Variants in DNER observed in about 807,000 individuals in gnomAD.
DNER encodes delta/notch like EGF repeat containing, also known as delta and Notch-like epidermal growth factor-related receptor.
In DNER, 33 loss-of-function variants were observed where a neutral mutation model predicts 78.2. The ratio of observed to expected loss-of-function variants is 0.42; its 90% CI spans 0.32 to 0.56. The LOEUF (loss-of-function observed/expected upper bound fraction) is 0.56. DNER is among the 20% of genes least tolerant of loss of function. The pLI is 0.11. For synonymous variants in DNER, 417 were observed against 384.8 expected (o/e 1.08, Z -0.98); for missense variants, 918 against 975.3 (o/e 0.94, Z 0.78).
At chr2:229,378,722 A>T (rs1392246187) in intron 11 of DNER, among the ~76,000 whole-genome samples, 1 of 152,184 alleles carries the variant, frequency 6.6e-6, no homozygotes, top group Non-Finnish European at 1.5e-5. Context: ...AGGATCACAG[A>T]TGCTCAGAGT....
At chr2:229,445,710 A>G (rs1462715695) in intron 8 of DNER, among the ~76,000 whole-genome samples, 4 of 152,156 alleles carry the variant, frequency 2.6e-5, no homozygotes, top group African/African-American at 7.2e-5. Flanking sequence ...CAGCTTCCCT[A>G]CGGATTTTGG....
intron 1 of DNER, among the ~76,000 whole-genome samples, chr2:229,600,796 C>T (rs115406452): frequency 0.031 from 4,656 of 152,202 alleles, 214 homozygotes; most frequent in African/African-American, 0.097. Flanking sequence ...GCAACCCATG[C>T]CAAGGCTAAA....
At chr2:229,460,591 C>T (rs1209212812) in intron 7 of DNER, among the ~76,000 whole-genome samples, 2 of 151,916 alleles carry the variant, frequency 1.3e-5, no homozygotes, top group Non-Finnish European at 1.5e-5. Flanking sequence ...CAATAAGAAA[C>T]ATCTGATGAC....
At chr2:229,713,912 A>C (rs1175752432) in intron 1 of DNER, among the ~76,000 whole-genome samples, 1 of 151,796 alleles carries the variant, frequency 6.6e-6, no homozygotes. Context: ...CGAGCCCCGG[A>C]GCGGCACACC....
Position 229,382,233 on chromosome 2 carries a change from G to C in DNER, c.1855+6032C>G, listed in dbSNP as rs370545965. Among the ~76,000 whole-genome samples, 3 of 152,148 alleles carry C rather than the reference G, an allele frequency of 2.0e-5. No individual in the cohort carries two copies. In the South Asian group the frequency reaches 6.2e-4, roughly 32 times the overall value. On this transcript the variant is annotated intron_variant, in intron 11 of 12. Transcript: ENST00000341772. ...GAATAGCATCAACATCAACAAAAAG[G>C]ATGTCCACACAGAAACCCCATCCAA...
At chr2:229,495,798 T>C (rs1695489843) in intron 6 of DNER, among the ~76,000 whole-genome samples, 1 of 152,176 alleles carries the variant, frequency 6.6e-6, no homozygotes, top group African/African-American at 2.4e-5. Context: ...TTTGATTCTG[T>C]TCCTCATATT....
At chr2:229,668,415 CTT>C (rs1263391784) in intron 1 of DNER, among the ~76,000 whole-genome samples, 1 of 19,964 alleles carries the variant, frequency 5.0e-5, no homozygotes, top group Admixed American at 9.4e-4. Flanking sequence ...ATAAAATATT[CTT>C]TTATATATAT....
chr2:229,554,626 T>C (rs1033527772), intron 4 of DNER, among the ~76,000 whole-genome samples: 5 of 152,026 alleles, frequency 3.3e-5, no homozygotes, highest in East Asian at 1.9e-4. Context: ...CGGGAGGTGA[T>C]TGCAGTGAGC....
In DNER at chr2:229,714,484, G is replaced by T; in HGVS notation, c.-61C>A. Reference sequence around the variant, plus strand: ...CGCAGTGACGGCGGCGGCGGTGGCAGTGGCGACGAGAGCTGCGAGAGCGAC... The same window carrying T: ...CGCAGTGACGGCGGCGGCGGTGGCATTGGCGACGAGAGCTGCGAGAGCGAC... On this transcript the variant is annotated 5_prime_UTR_variant, in exon 1 of 13. The change creates a new upstream start codon in the 5' untranslated region. Transcript: ENST00000341772. 1 of 1,087,360 alleles carries T rather than the reference G, an allele frequency of 9.2e-7. No individual in the cohort carries two copies. The highest frequency in any genetic ancestry group is 1.1e-6 in the Non-Finnish European group (1 of 897,830). 67.4% of individuals were successfully genotyped at this position (1,087,360 alleles called of 1,614,324 possible).
At chr2:229,439,606 A>C (rs1291955106) in intron 8 of DNER, among the ~76,000 whole-genome samples, 1 of 152,254 alleles carries the variant, frequency 6.6e-6, no homozygotes, top group Non-Finnish European at 1.5e-5. Context: ...CCAGATTCAC[A>C]GACATTCTCA....
At chr2:229,537,450 A>G (rs10193832) in intron 5 of DNER, among the ~76,000 whole-genome samples, 10,231 of 152,188 alleles carry the variant, frequency 0.067, 1,129 homozygotes, top group African/African-American at 0.23. Flanking sequence ...TTCTTGTCCT[A>G]CCTTTACTAT....
intron 1 of DNER, among the ~76,000 whole-genome samples, chr2:229,657,075 T>C (rs4972908): frequency 0.53 from 80,460 of 151,606 alleles, 21,548 homozygotes; most frequent in Non-Finnish European, 0.55. Context: ...GTATTACTAA[T>C]GGTGGTCCCC....
chr2:229,552,020 T>C (rs189724462), intron 4 of DNER, among the ~76,000 whole-genome samples: 3 of 152,338 alleles, frequency 2.0e-5, no homozygotes, highest in Admixed American at 6.5e-5. Context: ...ACATGTAATA[T>C]AGACGTGTGT....
chr2:229,457,311 A>G (rs189534838), intron 7 of DNER, among the ~76,000 whole-genome samples: 7 of 152,194 alleles, frequency 4.6e-5, no homozygotes, highest in Admixed American at 3.3e-4. Flanking sequence ...TTAAAAGCAA[A>G]AAGAACATTG....
At chr2:229,567,333 A>G (rs1697127945) in intron 4 of DNER, among the ~76,000 whole-genome samples, 4 of 152,222 alleles carry the variant, frequency 2.6e-5, no homozygotes, top group Non-Finnish European at 5.9e-5. Context: ...TCATTGCTCT[A>G]TCACCAGCTC....
intron 4 of DNER, among the ~76,000 whole-genome samples, chr2:229,571,304 C>T (rs955956149): frequency 6.6e-6 from 1 of 152,082 alleles, no homozygotes; most frequent in African/African-American, 2.4e-5. Flanking sequence ...CAGAGTTTAC[C>T]GCCATTGAAA....
At chr2:229,656,278 G>C (rs1485728158) in intron 1 of DNER, among the ~76,000 whole-genome samples, 1 of 152,168 alleles carries the variant, frequency 6.6e-6, no homozygotes, top group African/African-American at 2.4e-5. Flanking sequence ...AAGAGACCTA[G>C]GCTGAATCCA....
intron 8 of DNER, among the ~76,000 whole-genome samples, chr2:229,438,875 A>C (rs1694178573): frequency 6.6e-6 from 1 of 152,154 alleles, no homozygotes; most frequent in South Asian, 2.1e-4. Context: ...TAAAAACAGA[A>C]AAATTTTTCA....
intron 11 of DNER, among the ~76,000 whole-genome samples, chr2:229,371,510 T>C (rs890968081): frequency 5.9e-5 from 9 of 152,270 alleles, no homozygotes; most frequent in African/African-American, 2.2e-4. Context: ...TTCATGTTTT[T>C]AAACTAGATT....
Sources: allele counts gnomAD v4.1 joint callset (sites outside exome capture counted in the v4.1 genomes callset), GRCh38; gene constraint gnomAD v4.1.1; transcripts MANE v1.5; gene names NCBI Gene and HGNC (gene_info 2026-07-23, HGNC 2026-07-21).